Variants in DROSHA observed in about 807,000 individuals in gnomAD.
DROSHA encodes the protein drosha ribonuclease III.
A neutral mutation model predicts 181.9 loss-of-function variants in DROSHA; 56 were observed. The ratio of observed to expected loss-of-function variants is 0.31; its 90% confidence interval spans 0.25 to 0.38. The LOEUF (loss-of-function observed/expected upper bound fraction) is 0.38. DROSHA is among the 10% of genes least tolerant of loss of function. The pLI is 1.00. For missense variants in DROSHA, 1,218 were observed against 1,743.5 expected, an observed-to-expected ratio of 0.70 and a Z score of 5.37; for synonymous variants, 524 against 591.2, an observed-to-expected ratio of 0.89 and a Z score of 1.65.
intron 11 of DROSHA, among the ~76,000 whole-genome samples, chr5:31,502,016 G>A (rs1302567550): frequency 1.3e-5 from 2 of 152,168 alleles, no homozygotes; most frequent in Non-Finnish European, 2.9e-5. Flanking sequence ...AGTGGTCTGG[G>A]GAATGCCAAG....
intron 20 of DROSHA, among the ~76,000 whole-genome samples, chr5:31,457,144 T>TA (rs1554031623): frequency 1.4e-5 from 2 of 146,608 alleles, no homozygotes; most frequent in Non-Finnish European, 3.0e-5. Flanking sequence ...TTTTTTTTTT[T>TA]ATGGAGTCTT....
chr5:31,528,909 T>C, intron 4 of DROSHA, 131 bp downstream of exon 4: 1 of 1,247,394 alleles, frequency 8.0e-7, no homozygotes, highest in Non-Finnish European at 1.1e-6. Flanking sequence ...TTGTGCCCAC[T>C]GTTGAAAGAA....
chr5:31,403,057 C>T (rs1313874867), intron 35 of DROSHA, among the ~76,000 whole-genome samples: 1 of 152,192 alleles, frequency 6.6e-6, no homozygotes, highest in African/African-American at 2.4e-5. Context: ...AAGGCATGAG[C>T]CACCATGCCC....
intron 5 of DROSHA, among the ~76,000 whole-genome samples, chr5:31,524,764 T>G (rs1740324874): frequency 1.3e-5 from 2 of 152,188 alleles, no homozygotes. Flanking sequence ...TAGAAATGCC[T>G]CCTTGAAACA....
rs187777012 is a variant in DROSHA, at chr5:31,401,322, T to C, written c.*110A>G. On this transcript the variant is annotated 3_prime_UTR_variant, in exon 36 of 36. Transcript: ENST00000344624. ...AATAGCGATTTGACTCTGTATTTTA[T>C]TTCAATGAGCACACTTCATTCATTG... is the stretch of plus-strand genomic sequence containing the variant. 3.8e-5 allele frequency: 54 copies of C among 1,431,256 alleles called. 1 individual carries two copies. Among genetic ancestry groups the C allele is most frequent in the Admixed American group, 2.7e-4 (16 of 58,870 alleles). 88.7% of individuals were successfully genotyped at this position (1,431,256 alleles called of 1,614,324 possible).
At chr5:31,531,022 G>C in intron 2 of DROSHA, 98 bp from the exon 3 acceptor site, 1 of 393,092 alleles carries the variant, frequency 2.5e-6, no homozygotes, top group Non-Finnish European at 4.5e-6. Context: ...CTCCGCAACA[G>C]AAAGCAGGCC....
At chr5:31,513,737 T>C (rs1313458767) in intron 8 of DROSHA, among the ~76,000 whole-genome samples, 1 of 152,174 alleles carries the variant, frequency 6.6e-6, no homozygotes, top group Non-Finnish European at 1.5e-5. Flanking sequence ...TCTTATCTAA[T>C]CCCATACACT....
In DROSHA at chr5:31,526,972, A is replaced by T. The variant is rs763045586; in HGVS notation, c.21-60T>A. The T allele has an allele frequency of 2.5e-4, 366 of 1,468,170 alleles. 1 individual carries two copies. Among genetic ancestry groups the T allele is most frequent in the Non-Finnish European group, 3.1e-4 (342 of 1,090,340 alleles). 90.9% of individuals were successfully genotyped at this position (1,468,170 alleles called of 1,614,324 possible). On this transcript the variant is annotated intron_variant, in intron 4 of 35. Coordinates refer to ENST00000344624, the MANE Select transcript of DROSHA (RefSeq NM_001382508.1). The stretch of plus-strand genomic sequence containing the variant: ...TTAAAAAATAATTCTTACTATGTAA[A>T]CAGGGTTTCATAAATGCCTGACCAT...
chr5:31,462,407 G>A (rs971621778), intron 20 of DROSHA, among the ~76,000 whole-genome samples: 3 of 152,050 alleles, frequency 2.0e-5, no homozygotes, highest in African/African-American at 7.2e-5. Context: ...ACCTTTGCAG[G>A]AGTTTAATCG....
rs188620725 is a variant in DROSHA at position 31,492,276 on chromosome 5, G to T, written c.1842+931C>A. Among the ~76,000 whole-genome samples the T allele has an allele frequency of 1.2e-4, 18 of 152,278 alleles. No homozygotes were observed. In the East Asian group the frequency reaches 3.5e-3, roughly 29 times the overall value. On this transcript the variant is annotated intron_variant, in intron 13 of 35. Coordinates refer to ENST00000344624, the MANE Select transcript of DROSHA (RefSeq NM_001382508.1). Reference sequence around the variant, plus strand: ...TAGGAAAACAATTTGTCCTAAATTAGCATCACTGCTATGGAATCATATCTA... The same window carrying T: ...TAGGAAAACAATTTGTCCTAAATTATCATCACTGCTATGGAATCATATCTA...
intron 23 of DROSHA, among the ~76,000 whole-genome samples, chr5:31,438,539 C>T (rs532573179): frequency 6.6e-6 from 1 of 151,912 alleles, no homozygotes; most frequent in East Asian, 1.9e-4. Context: ...GGAGTGGTGC[C>T]GTTTACTGTG....
At chr5:31,444,703 T>C (rs935230640) in intron 23 of DROSHA, among the ~76,000 whole-genome samples, 3 of 152,142 alleles carry the variant, frequency 2.0e-5, no homozygotes, top group Admixed American at 2.0e-4. Flanking sequence ...GACTTTACAA[T>C]GTAGCAGGGT....
chr5:31,508,825 G>GGT, intron 9 of DROSHA, 50 bp from the exon 10 acceptor site: 1 of 1,262,340 alleles, frequency 7.9e-7, no homozygotes, highest in Non-Finnish European at 1.0e-6. Flanking sequence ...TTAACAAACT[G>GGT]GTTTTTTTTT....
chr5:31,423,215 A>G (rs975453251), intron 28 of DROSHA: 1 of 225,550 alleles, frequency 4.4e-6, no homozygotes, highest in Non-Finnish European at 8.6e-6. Context: ...GTATTATACT[A>G]ACTCTCCAAG....
intron 30 of DROSHA, among the ~76,000 whole-genome samples, chr5:31,414,932 T>C (rs963822255): frequency 3.9e-5 from 6 of 152,304 alleles, no homozygotes; most frequent in African/African-American, 1.4e-4. Flanking sequence ...AAGAAGACTA[T>C]AATTAAAGCT....
chr5:31,443,157 T>G (rs1745819151), intron 23 of DROSHA, among the ~76,000 whole-genome samples: 2 of 151,428 alleles, frequency 1.3e-5, no homozygotes, highest in Admixed American at 1.3e-4. Context: ...GTAGCTGGGA[T>G]TACAGGAGGC....
chr5:31,446,904 C>G (rs180738213), intron 23 of DROSHA, among the ~76,000 whole-genome samples: 1 of 152,124 alleles, frequency 6.6e-6, no homozygotes, highest in African/African-American at 2.4e-5. Context: ...GCCAGGCATG[C>G]TGGCGCACAC....
At chr5:31,471,729 G>A (rs2150028908) in intron 17 of DROSHA, among the ~76,000 whole-genome samples, 1 of 152,246 alleles carries the variant, frequency 6.6e-6, no homozygotes. Flanking sequence ...AATTCCCTTA[G>A]TATAACCAGC....
chr5:31,498,832 G>A (rs937978737), intron 11 of DROSHA, among the ~76,000 whole-genome samples: 2 of 151,806 alleles, frequency 1.3e-5, no homozygotes, highest in Admixed American at 6.6e-5. Context: ...ACTCCAGCCC[G>A]GGCAACAAGA....
Sources: allele counts gnomAD v4.1 joint callset (sites outside exome capture counted in the v4.1 genomes callset), GRCh38; gene constraint gnomAD v4.1.1; transcripts MANE v1.5; gene names NCBI Gene and HGNC (gene_info 2026-07-23, HGNC 2026-07-21).